The following ARHGAP15 variants were observed in gnomAD, a reference collection of about 807,000 sequenced individuals.
ARHGAP15 encodes rho GTPase-activating protein 15.
Under a neutral mutation model 63.7 loss-of-function variants are expected in ARHGAP15, and 51 were observed. The ratio of observed to expected loss-of-function variants is 0.80; its 90% confidence interval spans 0.64 to 1.01. The LOEUF is 1.01. Ranked by LOEUF, ARHGAP15 falls within the 50% of genes least tolerant of loss-of-function variation. ARHGAP15 has a pLI of 0.00. For missense variants in ARHGAP15, 560 were observed against 564.6 expected (o/e 0.99, Z 0.08); for synonymous variants, 191 against 193.8 (o/e 0.99, Z 0.12).
At chr2:143,626,455 T>C (rs1187020488) in intron 12 of ARHGAP15, among the ~76,000 whole-genome samples, 1 of 151,948 alleles carries the variant, frequency 6.6e-6, no homozygotes, top group Non-Finnish European at 1.5e-5. Context: ...TCTAGGTGAG[T>C]GTTACAGCTC....
At chr2:143,628,914 T>C (rs1050084360) in intron 12 of ARHGAP15, among the ~76,000 whole-genome samples, 2 of 152,228 alleles carry the variant, frequency 1.3e-5, no homozygotes, top group African/African-American at 2.4e-5. Flanking sequence ...CAAGCCCAGT[T>C]TGTGGAGAGT....
At chr2:143,644,735 CA>C (rs1265684858) in intron 12 of ARHGAP15, among the ~76,000 whole-genome samples, 2 of 151,384 alleles carry the variant, frequency 1.3e-5, no homozygotes, top group East Asian at 1.9e-4. Flanking sequence ...TTGCTGCGTG[CA>C]AAAAAAATCA....
At chr2:143,555,373 T>TC (rs1695741135) in intron 10 of ARHGAP15, among the ~76,000 whole-genome samples, 1 of 152,160 alleles carries the variant, frequency 6.6e-6, no homozygotes, top group African/African-American at 2.4e-5. Flanking sequence ...CTATACCACC[T>TC]CCCTAGAGAA....
At chr2:143,350,495 T>G (rs1023784098) in intron 6 of ARHGAP15, among the ~76,000 whole-genome samples, 6 of 151,908 alleles carry the variant, frequency 3.9e-5, no homozygotes, top group Admixed American at 3.3e-4. Context: ...GTTATTTTAT[T>G]TTATCATTTA....
intron 11 of ARHGAP15, among the ~76,000 whole-genome samples, chr2:143,579,590 C>G (rs1214594531): frequency 6.6e-6 from 1 of 152,038 alleles, no homozygotes; most frequent in Non-Finnish European, 1.5e-5. Context: ...GAGGGGAGCT[C>G]GTCCAAAAAG....
chr2:143,637,169 T>G (rs72992559), intron 12 of ARHGAP15, among the ~76,000 whole-genome samples: 126 of 152,246 alleles, frequency 8.3e-4, no homozygotes, highest in African/African-American at 2.9e-3. Context: ...TGTATTAATT[T>G]TTGGGACACA....
In ARHGAP15 at chr2:143,139,604, T is replaced by G. The variant is rs147102887; in HGVS notation, c.-15+10138T>G. Among the ~76,000 whole-genome samples the G allele has an allele frequency of 6.6e-5, 10 of 152,288 alleles. No homozygotes were observed. In the East Asian group the frequency reaches 1.9e-3, roughly 29 times the overall value. Reference sequence around the variant, plus strand: ...TAAAAGTCGTTTTGCATATGTTATTTTACTTGGTAATTCTAGAAAGCCAGT... The same window carrying G: ...TAAAAGTCGTTTTGCATATGTTATTGTACTTGGTAATTCTAGAAAGCCAGT... On this transcript the variant is annotated intron_variant, in intron 1 of 13. Coordinates refer to ENST00000295095, the MANE Select transcript of ARHGAP15 (RefSeq NM_018460.4).
At chr2:143,423,335 T>A (rs1341083308) in intron 6 of ARHGAP15, among the ~76,000 whole-genome samples, 1 of 109,916 alleles carries the variant, frequency 9.1e-6, no homozygotes, top group East Asian at 2.8e-4. Context: ...GTATACCAAA[T>A]AAAATCTGTT....
At chr2:143,661,123 G>A (rs1200442829) in intron 12 of ARHGAP15, among the ~76,000 whole-genome samples, 2 of 152,142 alleles carry the variant, frequency 1.3e-5, no homozygotes, top group African/African-American at 4.8e-5. Flanking sequence ...CCATTCTCAT[G>A]TCTCTCACTG....
At chr2:143,197,297 A>T (rs1364193104) in intron 2 of ARHGAP15, among the ~76,000 whole-genome samples, 1 of 151,994 alleles carries the variant, frequency 6.6e-6, no homozygotes, top group Admixed American at 6.6e-5. Flanking sequence ...GTTCATAAGG[A>T]CATCTAATGT....
chr2:143,328,707 C>A (rs192502250), intron 6 of ARHGAP15, among the ~76,000 whole-genome samples: 1 of 152,096 alleles, frequency 6.6e-6, no homozygotes, highest in African/African-American at 2.4e-5. Context: ...ACATTCTGCA[C>A]GTGTATCCCA....
chr2:143,684,922 T>G (rs1683261766), intron 12 of ARHGAP15, among the ~76,000 whole-genome samples: 2 of 152,200 alleles, frequency 1.3e-5, no homozygotes, highest in Admixed American at 6.5e-5. Flanking sequence ...AGTGTTAAGC[T>G]GCAACGGCAG....
intron 6 of ARHGAP15, among the ~76,000 whole-genome samples, chr2:143,403,496 T>A (rs551176958): frequency 2.6e-5 from 4 of 151,846 alleles, no homozygotes. Context: ...ACATAATAGT[T>A]ACTATTTTCA....
intron 6 of ARHGAP15, among the ~76,000 whole-genome samples, chr2:143,395,706 T>G (rs748981125): frequency 2.0e-5 from 3 of 152,006 alleles, no homozygotes; most frequent in Non-Finnish European, 4.4e-5. Flanking sequence ...AGAAAAAGTA[T>G]CTCATTCAGT....
chr2:143,143,688 T>C (rs1574003565), intron 1 of ARHGAP15, among the ~76,000 whole-genome samples: 1 of 150,756 alleles, frequency 6.6e-6, no homozygotes, highest in East Asian at 2.0e-4. Context: ...GTAATAAGAG[T>C]ACATGCTAAG....
At chr2:143,539,952 G>A (rs143768697) in intron 10 of ARHGAP15, among the ~76,000 whole-genome samples, 50,266 of 151,120 alleles carry the variant, frequency 0.33, 8,580 homozygotes, top group East Asian at 0.42. Context: ...TTTCTGTCTC[G>A]TTGATCTGTC....
At chr2:143,330,113 A>AAC (rs1684458072) in intron 6 of ARHGAP15, among the ~76,000 whole-genome samples, 1 of 90,450 alleles carries the variant, frequency 1.1e-5, no homozygotes, top group Non-Finnish European at 2.2e-5. Context: ...AAAAAAAAAA[A>AAC]AAAAAAAAAA....
intron 13 of ARHGAP15, among the ~76,000 whole-genome samples, chr2:143,713,880 G>C (rs1035089973): frequency 3.9e-5 from 6 of 152,184 alleles, no homozygotes; most frequent in Non-Finnish European, 8.8e-5. Context: ...TGGCTTTGCA[G>C]GGTACAGCCT....
intron 9 of ARHGAP15, among the ~76,000 whole-genome samples, chr2:143,504,514 G>A (rs905543631): frequency 5.3e-5 from 8 of 152,146 alleles, no homozygotes; most frequent in Non-Finnish European, 1.0e-4. Context: ...TAATTCCTAC[G>A]TAATCGCAAT....
Sources: allele counts gnomAD v4.1 joint callset (sites outside exome capture counted in the v4.1 genomes callset), GRCh38; gene constraint gnomAD v4.1.1; transcripts MANE v1.5; gene names NCBI Gene and HGNC (gene_info 2026-07-23, HGNC 2026-07-21).